RBFOX1: variants seen among roughly 807,000 people sequenced by gnomAD.
RBFOX1 encodes the protein RNA binding protein fox-1 homolog 1.
A neutral mutation model predicts 57.7 loss-of-function variants in RBFOX1; 8 were observed. The ratio of observed to expected loss-of-function variants is 0.14; its 90% confidence interval spans 0.08 to 0.25. The LOEUF is 0.25. Among genes scored for constraint, RBFOX1 ranks in the 10% least tolerant of loss-of-function variants. The pLI, the probability that RBFOX1 is intolerant of heterozygous loss-of-function variation, is 1.00. For missense variants in RBFOX1, 611 were observed against 548.5 expected, an observed-to-expected ratio of 1.11 and a Z score of -1.14; for synonymous variants, 326 against 222.4, an observed-to-expected ratio of 1.47 and a Z score of -4.15.
chr16:6,459,984 C>CAAAAAAAAAAAAAAAAAAAAAAAAAAAAA (rs149424076), intron 2 of RBFOX1, among the ~76,000 whole-genome samples: 8 of 47,672 alleles, frequency 1.7e-4, no homozygotes, highest in African/African-American at 1.9e-4. Context: ...AACTCCATCT[C>CAAAAAAAAAAAAAAAAAAAAAAAAAAAAA]AAAAAAAAAA....
intron 3 of RBFOX1, among the ~76,000 whole-genome samples, chr16:6,670,563 C>T (rs142958223): frequency 2.1e-4 from 32 of 152,172 alleles, no homozygotes; most frequent in African/African-American, 6.7e-4. Flanking sequence ...CTTAAACACC[C>T]GGTAATACCT....
intron 2 of RBFOX1, among the ~76,000 whole-genome samples, chr16:6,423,927 G>C (rs1318038906): frequency 6.6e-6 from 1 of 152,084 alleles, no homozygotes; most frequent in East Asian, 1.9e-4. Flanking sequence ...TTGCATTTGG[G>C]CAAGTTGTCC....
intron 2 of RBFOX1, among the ~76,000 whole-genome samples, chr16:6,584,383 A>G (rs1422441213): frequency 7.4e-6 from 1 of 135,610 alleles, no homozygotes; most frequent in Non-Finnish European, 1.6e-5. Context: ...TATTATTATT[A>G]TTGAGACATG....
intron 2 of RBFOX1, among the ~76,000 whole-genome samples, chr16:6,386,593 T>G (rs1006174420): frequency 6.6e-6 from 1 of 152,194 alleles, no homozygotes; most frequent in Non-Finnish European, 1.5e-5. Flanking sequence ...AATAAAGCCA[T>G]CACAGGTGGT....
chr16:7,627,981 C>T (rs980773682), intron 10 of RBFOX1, among the ~76,000 whole-genome samples: 2 of 151,168 alleles, frequency 1.3e-5, no homozygotes, highest in African/African-American at 4.9e-5. Context: ...TCTCAGAATC[C>T]ACAGCATTAA....
In RBFOX1 at chr16:5,311,202, C is replaced by T. The variant is rs139793803; in HGVS notation, c.219+71097C>T. ...TTTTTTATGGCTGAGTAGTATTCCA[C>T]GGTATGTTTGTATGTATGTACATAC... On this transcript the variant is annotated intron_variant, in intron 1 of 2. Transcript: ENST00000585867. Among the ~76,000 whole-genome samples the T allele has an allele frequency of 1.7e-3, 265 of 152,210 alleles. 1 individual carries two copies. The highest frequency in any genetic ancestry group is 6.0e-3 in the African/African-American group (249 of 41,544).
At chr16:7,359,786 C>T (rs938528110) in intron 4 of RBFOX1, among the ~76,000 whole-genome samples, 1 of 152,140 alleles carries the variant, frequency 6.6e-6, no homozygotes. Context: ...AGATCGAGAC[C>T]ATCCTGGCTA....
intron 4 of RBFOX1, among the ~76,000 whole-genome samples, chr16:7,084,182 A>T (rs145706249): frequency 1.3e-5 from 2 of 152,310 alleles, no homozygotes; most frequent in Non-Finnish European, 2.9e-5. Context: ...TTCAGGTCCA[A>T]AGGCATTCAG....
At chr16:5,685,835 A>G (rs932717715) in intron 3 of RBFOX1, among the ~76,000 whole-genome samples, 1 of 152,196 alleles carries the variant, frequency 6.6e-6, no homozygotes, top group African/African-American at 2.4e-5. Context: ...GTACATAGCA[A>G]TTTCACCTTT....
intron 3 of RBFOX1, among the ~76,000 whole-genome samples, chr16:6,862,035 G>C (rs2059117086): frequency 6.6e-6 from 1 of 151,994 alleles, no homozygotes; most frequent in African/African-American, 2.4e-5. Context: ...ATAAGCTCCA[G>C]TCAATACTGT....
chr16:6,231,447 A>C (rs1302320152), intron 1 of RBFOX1, among the ~76,000 whole-genome samples: 1 of 152,182 alleles, frequency 6.6e-6, no homozygotes, highest in Non-Finnish European at 1.5e-5. Flanking sequence ...CTATATAAAG[A>C]TAAGGATAGG....
At chr16:5,857,682 G>A (rs2057106623) in intron 3 of RBFOX1, among the ~76,000 whole-genome samples, 2 of 152,050 alleles carry the variant, frequency 1.3e-5, no homozygotes, top group African/African-American at 2.4e-5. Flanking sequence ...AGCATTTTGG[G>A]AGGCCAAGAC....
At chr16:5,673,126 C>T (rs1451067337) in intron 3 of RBFOX1, among the ~76,000 whole-genome samples, 1 of 152,034 alleles carries the variant, frequency 6.6e-6, no homozygotes, top group East Asian at 1.9e-4. Flanking sequence ...ACGCATTTTC[C>T]TGCTGACACA....
chr16:6,709,240 G>C (rs192596451), intron 3 of RBFOX1, among the ~76,000 whole-genome samples: 33 of 152,298 alleles, frequency 2.2e-4, no homozygotes, highest in Admixed American at 2.2e-3. Flanking sequence ...TACTGCTGCA[G>C]TTTCACACGA....
At chr16:5,944,510 G>T (rs922423959) in intron 4 of RBFOX1, among the ~76,000 whole-genome samples, 4 of 152,118 alleles carry the variant, frequency 2.6e-5, no homozygotes, top group Non-Finnish European at 4.4e-5. Flanking sequence ...GCAAGGCTTT[G>T]TATTAAGCTA....
At chr16:7,567,309 A>ATATATATCTCCTTATATATGGCCC (rs1567865519) in intron 5 of RBFOX1, among the ~76,000 whole-genome samples, 27 of 30,018 alleles carry the variant, frequency 9.0e-4, no homozygotes, top group Non-Finnish European at 1.8e-3. Context: ...GGCCCTATAT[A>ATATATATCTCCTTATATATGGCCC]TATATATATA....
At chr16:6,992,660 C>A (rs979337723) in intron 3 of RBFOX1, among the ~76,000 whole-genome samples, 1 of 152,056 alleles carries the variant, frequency 6.6e-6, no homozygotes, top group Non-Finnish European at 1.5e-5. Flanking sequence ...TACACAACTT[C>A]AACCATATTC....
chr16:6,655,190 A>G (rs1014008922), intron 3 of RBFOX1, among the ~76,000 whole-genome samples: 2 of 151,550 alleles, frequency 1.3e-5, no homozygotes, highest in African/African-American at 2.4e-5. Flanking sequence ...CCTGGCCAAC[A>G]TGGGGAAACC....
chr16:6,923,389 C>T (rs1001991042), intron 3 of RBFOX1, among the ~76,000 whole-genome samples: 4 of 152,030 alleles, frequency 2.6e-5, no homozygotes, highest in African/African-American at 9.7e-5. Context: ...CACAAATTAG[C>T]AGGCATGGTG....
Sources: gnomAD v4.1 joint callset for allele counts (sites outside exome capture counted in the v4.1 genomes callset) on GRCh38, gnomAD v4.1.1 for gene constraint, MANE v1.5 for transcripts, NCBI Gene and HGNC (gene_info 2026-07-23, HGNC 2026-07-21) for gene names.